Variants in TMCC3 observed in about 807,000 individuals in gnomAD.
The protein encoded by TMCC3 is transmembrane and coiled-coil domain protein 3.
Under a neutral mutation model 40.2 loss-of-function variants are expected in TMCC3, and 28 were observed. That is an observed-to-expected ratio of 0.70 (90% CI 0.52 to 0.95). The LOEUF is 0.95. TMCC3 is among the 40% of genes least tolerant of loss of function. The pLI, the probability that TMCC3 is intolerant of heterozygous loss-of-function variation, is 0.00. For missense variants in TMCC3, 554 were observed against 615.2 expected, an observed-to-expected ratio of 0.90 and a Z score of 1.05; for synonymous variants, 255 against 248.5, an observed-to-expected ratio of 1.03 and a Z score of -0.25.
In TMCC3 at chr12:94,582,506, C is replaced by T; in HGVS notation, c.111G>A (p.Leu37=). 8 of 1,613,090 alleles carry T rather than the reference C, an allele frequency of 5.0e-6. No homozygotes were observed. The highest frequency in any genetic ancestry group is 5.1e-6 in the Non-Finnish European group (6 of 1,179,700). The change falls in exon 2 of 4, where the codon CTG becomes CTA. Residue 37 remains leucine, a synonymous_variant. Coordinates refer to ENST00000261226, the MANE Select transcript of TMCC3 (RefSeq NM_020698.4). ...ACCCCCCTCGGCGTATGTTCAGGGG[C>T]AGGCTTAAGGTATTCATGTCATGAC... ...VERHDMNTLS[L]PLNIRRGGSD...
intron 1 of TMCC3, chr12:94,616,190 C>CA: frequency 1.4e-6 from 1 of 712,320 alleles, no homozygotes; most frequent in Non-Finnish European, 1.7e-6. Context: ...CAAATGGGCT[C>CA]TTTGTGCAGT....
intron 1 of TMCC3, among the ~76,000 whole-genome samples, chr12:94,616,910 T>C (rs1230063222): frequency 6.6e-6 from 1 of 152,148 alleles, no homozygotes; most frequent in Non-Finnish European, 1.5e-5. Context: ...ACATCCTGTT[T>C]TAAACAAGTC....
Position 94,583,830 on chromosome 12 carries a change from T to C in TMCC3, c.79-1292A>G, listed in dbSNP as rs368835221. Among the ~76,000 whole-genome samples, 24 of 152,330 alleles carry C rather than the reference T, an allele frequency of 1.6e-4. No homozygotes were observed. In the South Asian group the frequency reaches 4.8e-3, roughly 30 times the overall value. ...CCTCTTTCCATGTCAGGTCACTCCA[T>C]TGTTGATGTTCCTGGAGGATGAAAA... On this transcript the variant is annotated intron_variant, in intron 1 of 3. Coordinates refer to ENST00000261226, the MANE Select transcript of TMCC3 (RefSeq NM_020698.4).
At chr12:94,607,040 G>A (rs905560782) in intron 1 of TMCC3, among the ~76,000 whole-genome samples, 3 of 152,152 alleles carry the variant, frequency 2.0e-5, no homozygotes, top group Admixed American at 2.0e-4. Context: ...GACACTCCCA[G>A]AGTGGCCGTT....
intron 1 of TMCC3, among the ~76,000 whole-genome samples, chr12:94,645,371 G>C (rs75988793): frequency 0.015 from 2,280 of 152,242 alleles, 58 homozygotes; most frequent in African/African-American, 0.052. Flanking sequence ...CTTTCATATA[G>C]TACAGGTCCC....
rs1358362258 is a variant in TMCC3, at chr12:94,650,396, C to A, written c.35G>T (p.Arg12Leu). Reference protein sequence around the residue: ...PGSDTALTVDRTYSYPGRHHR... With the variant: ...PGSDTALTVDLTYSYPGRHHR... ...GTGCCGGCCGGGGTACGAGTAGGTC[C>A]GGTCCACGGTGAGCGCCGTGTCGCT... is the stretch of plus-strand genomic sequence containing the variant. The change falls in exon 1 of 4, where the codon CGG (arginine) becomes CTG (leucine). Residue 12 changes from arginine to leucine, a missense_variant. Coordinates refer to ENST00000261226, the MANE Select transcript of TMCC3 (RefSeq NM_020698.4). 2 of 1,334,550 alleles carry A rather than the reference C, an allele frequency of 1.5e-6. No homozygotes were observed. Among genetic ancestry groups the A allele is most frequent in the South Asian group, 1.8e-5 (1 of 55,364 alleles). The allele number at this position is 1,334,550 out of a possible 1,614,324, so 82.7% of individuals were successfully genotyped here.
At chr12:94,598,933 C>T in intron 1 of TMCC3, 1 of 230,956 alleles carries the variant, frequency 4.3e-6, no homozygotes, top group Non-Finnish European at 7.2e-6. Flanking sequence ...AACAGACTTC[C>T]AGGACCCACT....
intron 1 of TMCC3, among the ~76,000 whole-genome samples, chr12:94,621,290 G>T (rs1202162603): frequency 1.3e-5 from 2 of 152,186 alleles, no homozygotes; most frequent in African/African-American, 4.8e-5. Context: ...TCTCTCAGTT[G>T]ACACAGCTCT....
At chr12:94,638,110 T>C (rs983786297) in intron 1 of TMCC3, among the ~76,000 whole-genome samples, 2 of 152,166 alleles carry the variant, frequency 1.3e-5, no homozygotes, top group Non-Finnish European at 2.9e-5. Flanking sequence ...TTCTGTCCTA[T>C]TGAAGAATTT....
intron 1 of TMCC3, among the ~76,000 whole-genome samples, chr12:94,585,434 C>T (rs1384097512): frequency 2.6e-5 from 4 of 152,210 alleles, no homozygotes; most frequent in Non-Finnish European, 4.4e-5. Flanking sequence ...CAGTGGCTCA[C>T]GCCTGTAATC....
chr12:94,622,578 A>C (rs1027112400), intron 1 of TMCC3, among the ~76,000 whole-genome samples: 2 of 152,182 alleles, frequency 1.3e-5, no homozygotes, highest in African/African-American at 4.8e-5. Context: ...CAAATCTGTA[A>C]TGGAGACTGA....
At chr12:94,606,670 C>T (rs1338189117) in intron 1 of TMCC3, among the ~76,000 whole-genome samples, 1 of 152,058 alleles carries the variant, frequency 6.6e-6, no homozygotes, top group African/African-American at 2.4e-5. Flanking sequence ...ACAGCTGGGC[C>T]TCTGGGGGTG....
intron 3 of TMCC3, among the ~76,000 whole-genome samples, chr12:94,578,120 C>T (rs1275771966): frequency 3.1e-5 from 4 of 130,576 alleles, no homozygotes; most frequent in Non-Finnish European, 4.6e-5. Flanking sequence ...TGCACTCCAG[C>T]CTGGGCCACA....
Position 94,582,308 on chromosome 12 carries a change from T to C in TMCC3, c.309A>G (p.Ala103=), listed in dbSNP as rs3747552. ...TGATACGTCCCGCCTGCTGCTTGTCTGCGTTGTTCACTAGTTTCAGATACT... is the reference window on the plus strand; with the variant it reads ...TGATACGTCCCGCCTGCTGCTTGTCCGCGTTGTTCACTAGTTTCAGATACT... The part of the protein sequence containing the change: ...VAEYLKLVNN[A]DKQQAGRIKQ... Residue 103 remains alanine (A), a synonymous_variant, in exon 2 of 4, where the codon GCA becomes GCG. Coordinates refer to ENST00000261226, the MANE Select transcript of TMCC3 (RefSeq NM_020698.4). 0.58 allele frequency: 936,984 copies of C among 1,613,566 alleles called. 277,016 individuals carry two copies. Among genetic ancestry groups the C allele is most frequent in the African/African-American group, 0.88 (65,624 of 74,896 alleles).
At chr12:94,587,293 C>G (rs1341814994) in intron 1 of TMCC3, among the ~76,000 whole-genome samples, 2 of 152,192 alleles carry the variant, frequency 1.3e-5, no homozygotes, top group Non-Finnish European at 2.9e-5. Flanking sequence ...CTTGGGTAAA[C>G]TGAGTCACCT....
At chr12:94,612,379 C>T (rs1028167800) in intron 1 of TMCC3, among the ~76,000 whole-genome samples, 2 of 152,000 alleles carry the variant, frequency 1.3e-5, no homozygotes, top group Non-Finnish European at 2.9e-5. Flanking sequence ...GGTGCGATCT[C>T]GGCTCACTGC....
At chr12:94,595,475 G>A (rs1238979335) in intron 1 of TMCC3, among the ~76,000 whole-genome samples, 5 of 152,284 alleles carry the variant, frequency 3.3e-5, no homozygotes, top group East Asian at 1.9e-4. Context: ...AGGAAATAGC[G>A]TTTGGTACTG....
Position 94,598,041 on chromosome 12 carries a change from A to C in TMCC3, c.79-15503T>G, listed in dbSNP as rs186844256. Among the ~76,000 whole-genome samples the C allele has an allele frequency of 2.6e-4, 39 of 152,322 alleles. 2 individuals carry two copies. The highest frequency in any genetic ancestry group is 2.5e-3 in the Admixed American group (38 of 15,298). ...GACAGAATCTTGCCAGGATCATTCA[A>C]GTTTATCAGAAAAGAGAAGCCACCA... On this transcript the variant is annotated intron_variant, in intron 1 of 3. Coordinates refer to ENST00000261226, the MANE Select transcript of TMCC3 (RefSeq NM_020698.4).
Position 94,571,338 on chromosome 12 carries a change from G to T in TMCC3, c.*97C>A. On this transcript the variant is annotated 3_prime_UTR_variant, in exon 4 of 4. Transcript: ENST00000261226. ...CACAGTCCTAGTTTTTCTTACACACGAGTCCGCACAATCATTCACTGTAAA... is the reference window on the plus strand; with the variant it reads ...CACAGTCCTAGTTTTTCTTACACACTAGTCCGCACAATCATTCACTGTAAA... The T allele has an allele frequency of 1.6e-6, 2 of 1,272,712 alleles. No individual in the cohort carries two copies. The highest frequency in any genetic ancestry group is 2.2e-6 in the Non-Finnish European group (2 of 915,680). 78.8% of individuals were successfully genotyped at this position (1,272,712 alleles called of 1,614,324 possible). A position where few individuals can be genotyped will look rare whatever the true frequency, so the allele number is the denominator to read the frequency against.
Sources: gnomAD v4.1 joint callset for allele counts (sites outside exome capture counted in the v4.1 genomes callset) on GRCh38, gnomAD v4.1.1 for gene constraint, MANE v1.5 for transcripts, NCBI Gene and HGNC (gene_info 2026-07-23, HGNC 2026-07-21) for gene names.